The following GRM8 variants were observed in gnomAD, a reference collection of about 807,000 sequenced individuals.
GRM8 encodes the protein metabotropic glutamate receptor 8.
GRM8 carries 47 observed loss-of-function variants against 87.2 expected under a neutral mutation model. The observed-to-expected ratio is 0.54, with a 90% CI of 0.43 to 0.69. The LOEUF (loss-of-function observed/expected upper bound fraction) is 0.69. Among genes scored for constraint, GRM8 ranks in the 30% least tolerant of loss-of-function variants. The pLI is 0.00. For missense variants in GRM8, 1,019 were observed against 1,139.2 expected (o/e 0.89, Z 1.52); for synonymous variants, 396 against 404.5 (o/e 0.98, Z 0.25).
intron 9 of GRM8, among the ~76,000 whole-genome samples, chr7:126,529,651 G>C (rs1814487833): frequency 6.6e-6 from 1 of 152,128 alleles, no homozygotes; most frequent in Middle Eastern, 3.2e-3. Context: ...AGAAGAGGCA[G>C]AGTGCTCATT....
intron 3 of GRM8, among the ~76,000 whole-genome samples, chr7:127,035,305 G>A (rs982798546): frequency 1.3e-5 from 2 of 152,094 alleles, no homozygotes; most frequent in East Asian, 1.9e-4. Context: ...GTGTCTATAC[G>A]GTGCCAGCAA....
intron 2 of GRM8, among the ~76,000 whole-genome samples, chr7:127,207,188 TTTTTTA>T (rs1389283461): frequency 6.6e-6 from 1 of 152,234 alleles, no homozygotes; most frequent in Admixed American, 6.5e-5. Context: ...TGGAGAGCAA[TTTTTTA>T]TTTTTATTAA....
intron 7 of GRM8, among the ~76,000 whole-genome samples, chr7:126,718,623 C>T (rs931436349): frequency 6.6e-6 from 1 of 152,188 alleles, no homozygotes; most frequent in Non-Finnish European, 1.5e-5. Context: ...CACATGTGAA[C>T]TTCAGACTTT....
chr7:127,120,694 C>T (rs1219348181), intron 2 of GRM8, among the ~76,000 whole-genome samples: 1 of 152,200 alleles, frequency 6.6e-6, no homozygotes, highest in Non-Finnish European at 1.5e-5. Context: ...ATTTTTGTAG[C>T]TCTGGATGTT....
At chr7:126,691,597 C>T (rs1808821621) in intron 7 of GRM8, among the ~76,000 whole-genome samples, 4 of 152,160 alleles carry the variant, frequency 2.6e-5, no homozygotes, top group African/African-American at 7.2e-5. Context: ...TCCAGACAGG[C>T]CGTTGCTGTT....
chr7:126,948,089 G>C (rs147077891), intron 3 of GRM8, among the ~76,000 whole-genome samples: 2 of 152,232 alleles, frequency 1.3e-5, no homozygotes, highest in Non-Finnish European at 2.9e-5. Flanking sequence ...TAGGCGCTAG[G>C]GATGCACAGT....
intron 6 of GRM8, among the ~76,000 whole-genome samples, chr7:126,852,085 G>T (rs957556221): frequency 5.3e-5 from 8 of 152,118 alleles, no homozygotes; most frequent in African/African-American, 1.7e-4. Flanking sequence ...ATATGCATAG[G>T]TGTGATGCTG....
chr7:126,719,668 T>G (rs2151448266), intron 7 of GRM8, among the ~76,000 whole-genome samples: 1 of 152,300 alleles, frequency 6.6e-6, no homozygotes, highest in East Asian at 1.9e-4. Context: ...TAGCTGAAGT[T>G]TGCCCAGGCT....
At chr7:127,049,273 A>G (rs563159711) in intron 3 of GRM8, among the ~76,000 whole-genome samples, 1 of 152,296 alleles carries the variant, frequency 6.6e-6, no homozygotes, top group East Asian at 1.9e-4. Context: ...GAATGATAAT[A>G]TATATGGAAG....
chr7:127,021,515 G>A (rs567095372), intron 3 of GRM8, among the ~76,000 whole-genome samples: 7 of 152,106 alleles, frequency 4.6e-5, no homozygotes, highest in African/African-American at 1.4e-4. Context: ...TTACAGCTAT[G>A]TCACTGTAGG....
intron 6 of GRM8, among the ~76,000 whole-genome samples, chr7:126,841,310 C>G (rs569164627): frequency 1.3e-5 from 2 of 152,132 alleles, no homozygotes; most frequent in East Asian, 1.9e-4. Flanking sequence ...CTCCAGAGAG[C>G]TCAAGTCAGC....
intron 7 of GRM8, among the ~76,000 whole-genome samples, chr7:126,768,709 T>C (rs1391582339): frequency 1.3e-5 from 2 of 152,036 alleles, no homozygotes; most frequent in Non-Finnish European, 2.9e-5. Context: ...AAAGGAAGTG[T>C]TCCCCAACCT....
chr7:126,540,640 G>C (rs1216147476), intron 8 of GRM8, among the ~76,000 whole-genome samples: 1 of 152,096 alleles, frequency 6.6e-6, no homozygotes, highest in Non-Finnish European at 1.5e-5. Context: ...AAAATGGATG[G>C]ACCTTGAAAA....
chr7:127,210,439 C>T (rs1796146955), intron 2 of GRM8, among the ~76,000 whole-genome samples: 1 of 152,178 alleles, frequency 6.6e-6, no homozygotes, highest in Non-Finnish European at 1.5e-5. Context: ...AAACACCAAA[C>T]AATGGAGCAG....
At chr7:126,832,171 CAAAA>C (rs11412862) in intron 6 of GRM8, among the ~76,000 whole-genome samples, 1 of 77,638 alleles carries the variant, frequency 1.3e-5, no homozygotes. Flanking sequence ...TGCCATCTTC[CAAAA>C]AAAAAAAAAA....
chr7:126,561,616 T>C (rs1006747804), intron 8 of GRM8, among the ~76,000 whole-genome samples: 1 of 151,826 alleles, frequency 6.6e-6, no homozygotes, highest in Admixed American at 6.6e-5. Flanking sequence ...TTTATTTTTT[T>C]ATTATTTATT....
chr7:127,015,062 A>AAAGAAAGAAGG (rs1563413473), intron 3 of GRM8, among the ~76,000 whole-genome samples: 53 of 96,226 alleles, frequency 5.5e-4, no homozygotes, highest in Non-Finnish European at 8.6e-4. Flanking sequence ...GAAGAAGAAG[A>AAAGAAAGAAGG]AGAAGAAAGA....
Position 126,642,228 on chromosome 7 carries a change from C to T in GRM8, c.1358-32730G>A, listed in dbSNP as rs573392361. Among the ~76,000 whole-genome samples, 200 of 152,302 alleles carry T rather than the reference C, an allele frequency of 1.3e-3. 3 individuals are homozygous for T. In the South Asian group the frequency reaches 0.037, roughly 29 times the overall value. ...GTTGTGAGGAGCACATTGCACAACT[C>T]GGCTTTGTGCTGAAGGTATTTGATG... On this transcript the variant is annotated intron_variant, in intron 7 of 10. Transcript: ENST00000339582.
chr7:126,683,997 A>C (rs926525889), intron 7 of GRM8, among the ~76,000 whole-genome samples: 1 of 152,186 alleles, frequency 6.6e-6, no homozygotes, highest in African/African-American at 2.4e-5. Context: ...ATCATGTTGA[A>C]TTTTTTCACT....
Sources: allele counts gnomAD v4.1 joint callset (sites outside exome capture counted in the v4.1 genomes callset), GRCh38; gene constraint gnomAD v4.1.1; transcripts MANE v1.5; gene names NCBI Gene and HGNC (gene_info 2026-07-23, HGNC 2026-07-21).